The following CFHR5 variants were observed in gnomAD, a reference collection of about 807,000 sequenced individuals.
The protein encoded by CFHR5 is complement factor H related 5.
A neutral mutation model predicts 62.9 loss-of-function variants in CFHR5; 73 were observed. The ratio of observed to expected loss-of-function variants is 1.16; its 90% CI spans 0.96 to 1.41. The LOEUF is 1.41. Among genes scored for constraint, CFHR5 ranks in the 40% most tolerant of loss-of-function variants. The pLI is 0.00. For missense variants in CFHR5, 779 were observed against 679.9 expected, an observed-to-expected ratio of 1.15 and a Z score of -1.62; for synonymous variants, 249 against 227.2, an observed-to-expected ratio of 1.10 and a Z score of -0.86.
chr1:197,006,018 C>T (rs989340881), intron 9 of CFHR5, among the ~76,000 whole-genome samples: 2 of 152,114 alleles, frequency 1.3e-5, no homozygotes, highest in Admixed American at 1.3e-4. Context: ...AAGATAACTT[C>T]TAGGATTTAA....
intron 7 of CFHR5, among the ~76,000 whole-genome samples, chr1:196,999,682 A>AGTATATATATATATAT (rs1212445694): frequency 2.8e-5 from 1 of 36,104 alleles, no homozygotes; most frequent in Non-Finnish European, 5.9e-5. Context: ...TTTGGGAAAA[A>AGTATATATATATATAT]GTATATATAT....
At chr1:196,978,525 T>G (rs989000108) in intron 1 of CFHR5, among the ~76,000 whole-genome samples, 8 of 152,198 alleles carry the variant, frequency 5.3e-5, no homozygotes, top group African/African-American at 1.9e-4. Flanking sequence ...ACTGCTTTAC[T>G]GCTTTCTAAT....
chr1:196,988,180 T>C (rs929818511), intron 3 of CFHR5, among the ~76,000 whole-genome samples: 12 of 152,170 alleles, frequency 7.9e-5, no homozygotes, highest in Non-Finnish European at 1.8e-4. Context: ...TGTCTGTTAT[T>C]GGTGTATAGG....
intron 2 of CFHR5, 90 bp from the exon 3 acceptor site, chr1:196,983,871 T>G: frequency 1.2e-6 from 1 of 869,160 alleles, no homozygotes; most frequent in Non-Finnish European, 1.8e-6. Context: ...TGATGTCAGT[T>G]TTCAAAGTTT....
At chr1:197,004,593 A>T in intron 8 of CFHR5, 68 bp from the exon 9 acceptor site, 2 of 1,193,384 alleles carry the variant, frequency 1.7e-6, no homozygotes, top group Non-Finnish European at 2.5e-6. Context: ...GATATGATAC[A>T]TGATGCTTCA....
chr1:196,990,531 G>A (rs1049949356), intron 3 of CFHR5, among the ~76,000 whole-genome samples: 7 of 152,098 alleles, frequency 4.6e-5, no homozygotes, highest in Admixed American at 4.6e-4. Context: ...TTCATGTTTA[G>A]TGCTTCCTTC....
At chr1:197,000,733 G>A (rs1285060239) in intron 7 of CFHR5, among the ~76,000 whole-genome samples, 2 of 152,080 alleles carry the variant, frequency 1.3e-5, no homozygotes, top group East Asian at 3.9e-4. Context: ...GAGTCTTGAT[G>A]ATACTCAATA....
chr1:196,991,574 G>GTCCT (rs1653848061), intron 3 of CFHR5, among the ~76,000 whole-genome samples: 1 of 152,104 alleles, frequency 6.6e-6, no homozygotes, highest in South Asian at 2.1e-4. Context: ...TTTTGTGGAT[G>GTCCT]TTGATGCTAT....
chr1:196,986,552 T>C (rs1217879082), intron 3 of CFHR5, among the ~76,000 whole-genome samples: 1 of 152,072 alleles, frequency 6.6e-6, no homozygotes. Context: ...CAGTGTGTGA[T>C]GTTCCCCACC....
intron 6 of CFHR5, among the ~76,000 whole-genome samples, chr1:196,997,734 C>T (rs950377004): frequency 2.0e-5 from 3 of 152,132 alleles, no homozygotes; most frequent in Non-Finnish European, 4.4e-5. Context: ...CAGACTTACC[C>T]ATGTATTGCC....
chr1:197,005,718 T>C (rs1002310243), intron 9 of CFHR5, among the ~76,000 whole-genome samples: 25 of 152,166 alleles, frequency 1.6e-4, no homozygotes, highest in Non-Finnish European at 3.7e-4. Context: ...GATCTGTTCC[T>C]GCAACAGTTC....
In CFHR5 at chr1:197,008,907, G is replaced by C; in HGVS notation, c.*224G>C. Reference sequence around the variant, plus strand: ...TAGTCCATATTACATTGTTATAACAGAGTATCACAGACTGGATAACTTCTA... The same window carrying C: ...TAGTCCATATTACATTGTTATAACACAGTATCACAGACTGGATAACTTCTA... On this transcript the variant is annotated 3_prime_UTR_variant, in exon 10 of 10. Transcript: ENST00000256785. The C allele has an allele frequency of 2.0e-6, 1 of 490,518 alleles. No homozygotes were observed. The highest frequency in any genetic ancestry group is 3.7e-6 in the Non-Finnish European group (1 of 271,556). 30.4% of individuals were successfully genotyped at this position (490,518 alleles called of 1,614,324 possible).
intron 1 of CFHR5, among the ~76,000 whole-genome samples, chr1:196,980,952 T>G (rs1272570970): frequency 6.6e-6 from 1 of 152,148 alleles, no homozygotes; most frequent in Non-Finnish European, 1.5e-5. Context: ...TATGATAGGT[T>G]AATACTATCA....
At chr1:196,977,511 C>A (rs758154205), upstream of CFHR5, 196 of 726,092 alleles carry the variant, frequency 2.7e-4, 1 homozygote, top group Non-Finnish European at 4.2e-4. Flanking sequence ...CCTCCATGAA[C>A]TTTGATGTTT....
intron 7 of CFHR5, among the ~76,000 whole-genome samples, chr1:197,001,213 GC>G (rs1188537940): frequency 6.6e-6 from 1 of 151,930 alleles, no homozygotes; most frequent in Admixed American, 6.6e-5. Flanking sequence ...GCATCAGTGG[GC>G]CCCAGTCCCA....
intron 7 of CFHR5, among the ~76,000 whole-genome samples, chr1:196,999,640 G>A (rs1298060276): frequency 6.9e-6 from 1 of 144,532 alleles, no homozygotes; most frequent in African/African-American, 2.6e-5. Flanking sequence ...AATTTAGAAT[G>A]ATGTGGCATT....
chr1:196,996,614 T>C (rs556936930), intron 6 of CFHR5, among the ~76,000 whole-genome samples: 1 of 152,318 alleles, frequency 6.6e-6, no homozygotes, highest in Admixed American at 6.5e-5. Context: ...ATTTAATTTC[T>C]TTTATTTCAT....
At chr1:196,977,159 G>C (rs377317472), upstream of CFHR5, among the ~76,000 whole-genome samples, 4 of 151,950 alleles carry the variant, frequency 2.6e-5, no homozygotes, top group African/African-American at 9.7e-5. Flanking sequence ...TATTAAAACT[G>C]TTAAGAAGGT....
intron 1 of CFHR5, among the ~76,000 whole-genome samples, chr1:196,980,591 C>CGTGTGTGTGTGTGTGTGTGT (rs57437038): frequency 6.9e-6 from 1 of 145,440 alleles, no homozygotes; most frequent in Admixed American, 6.9e-5. Context: ...TGTATATATA[C>CGTGTGTGTGTGTGTGTGTGT]GTGTGTGTGT....
Sources: allele counts gnomAD v4.1 joint callset (sites outside exome capture counted in the v4.1 genomes callset), GRCh38; gene constraint gnomAD v4.1.1; transcripts MANE v1.5; gene names NCBI Gene and HGNC (gene_info 2026-07-23, HGNC 2026-07-21).